ATN1: variants seen among roughly 807,000 people sequenced by gnomAD.
ATN1 encodes atrophin 1, also known as atrophin-1.
ATN1 carries 19 observed loss-of-function variants against 85.8 expected under a neutral mutation model. The ratio of observed to expected loss-of-function variants is 0.22; its 90% CI spans 0.15 to 0.32. The LOEUF is 0.32. Among genes scored for constraint, ATN1 ranks in the 10% least tolerant of loss-of-function variants. The pLI, the probability that ATN1 is intolerant of heterozygous loss-of-function variation, is 1.00. For synonymous variants in ATN1, 674 were observed against 657.0 expected, an observed-to-expected ratio of 1.03 and a Z score of -0.39; for missense variants, 1,453 against 1,564.5, an observed-to-expected ratio of 0.93 and a Z score of 1.20.
Position 6,941,297 on chromosome 12 carries a change from G to A in ATN1, c.3359-77G>A. ...TTAGTTCATTACCTTTGTATGTAAA[G>A]GAGCTGGCTATCCCCTGGTCCAGAG... On this transcript the variant is annotated intron_variant, in intron 8 of 9. Coordinates refer to ENST00000396684, the MANE Select transcript of ATN1 (RefSeq NM_001940.4). The surrounding 1 kb of genome is among the most constrained non-coding windows in gnomAD (Gnocchi z 5.9). 3 of 1,488,764 alleles carry A rather than the reference G, an allele frequency of 2.0e-6. No homozygotes were observed. The highest frequency in any genetic ancestry group is 2.7e-6 in the Non-Finnish European group (3 of 1,107,224). 92.2% of individuals were successfully genotyped at this position (1,488,764 alleles called of 1,614,324 possible).
In ATN1 at chr12:6,937,423, C is replaced by T; in HGVS notation, c.2156C>T (p.Pro719Leu). ...PPPPAAPASG[P>L]PLSATQIKQE... ...CCACCTGCGGCCCCTGCCTCAGGGC[C>T]GCCCCTGAGCGCCACGCAGATCAAA... is the stretch of plus-strand genomic sequence containing the variant. The change falls in exon 5 of 10, where the codon CCG (proline) becomes CTG (leucine). Residue 719 changes from proline (P) to leucine (L), a missense_variant. Physicochemically the swap from Pro to Leu is moderately conservative, Grantham distance 98. Coordinates refer to ENST00000396684, the MANE Select transcript of ATN1 (RefSeq NM_001940.4). The surrounding 1 kb of genome is among the most constrained non-coding windows in gnomAD (Gnocchi z 6.0). 6.5e-7 allele frequency: 1 copy of T among 1,547,382 alleles called. No homozygotes were observed. The highest frequency in any genetic ancestry group is 8.7e-7 in the Non-Finnish European group (1 of 1,147,338).
At chr12:6,928,637 A>G (rs1945426918) in intron 1 of ATN1, among the ~76,000 whole-genome samples, 2 of 152,128 alleles carry the variant, frequency 1.3e-5, no homozygotes, top group South Asian at 2.1e-4. Flanking sequence ...GGAAGGAGGG[A>G]GGGTCTCCGG....
In ATN1 at chr12:6,937,244, C is replaced by G; in HGVS notation, c.1977C>G (p.Pro659=). 1.9e-6 allele frequency: 3 copies of G among 1,611,774 alleles called. No homozygotes were observed. Among genetic ancestry groups the G allele is most frequent in the Non-Finnish European group, 2.5e-6 (3 of 1,179,590 alleles). Residue 659 remains proline, a synonymous_variant, in exon 5 of 10, where the codon CCC becomes CCG. Coordinates refer to ENST00000396684, the MANE Select transcript of ATN1 (RefSeq NM_001940.4). The surrounding 1 kb of genome is among the most constrained non-coding windows in gnomAD (Gnocchi z 6.0). ...CAGCCACCCCACCCGGATACAAACCCGGGTCGCCTCCCTCCTTCCGAACGG... is the reference window on the plus strand; with the variant it reads ...CAGCCACCCCACCCGGATACAAACCGGGGTCGCCTCCCTCCTTCCGAACGG... ...YKTATPPGYK[P]GSPPSFRTGT...
chr12:6,936,850 A>G lies in ATN1; in HGVS notation c.1583A>G (p.His528Arg), dbSNP rs2098246050. Residue 528 changes from histidine (H) to arginine (R), a missense_variant, in exon 5 of 10, where the codon CAC (histidine) becomes CGC (arginine). Coordinates refer to ENST00000396684, the MANE Select transcript of ATN1 (RefSeq NM_001940.4). Reference sequence around the variant, plus strand: ...GAGGGCGGTAGCTCCCACCACGCACACCCTTACGCCATGTCTCCCTCCCTG... The same window carrying G: ...GAGGGCGGTAGCTCCCACCACGCACGCCCTTACGCCATGTCTCCCTCCCTG... ...PLEGGSSHHA[H>R]PYAMSPSLGS... 6.2e-7 allele frequency: 1 copy of G among 1,612,762 alleles called. No homozygotes were observed. Among genetic ancestry groups the G allele is most frequent in the Admixed American group, 1.7e-5 (1 of 59,924 alleles).
At position 6,936,759 on chromosome 12, in the gene ATN1, CAGCAGCAGCAGCAGCAT is replaced by C. The variant is rs782065589; in HGVS notation, c.1493_1509del (p.Gln498ProfsTer20). 205 of 1,419,620 alleles carry C rather than the reference CAGCAGCAGCAGCAGCAT, an allele frequency of 1.4e-4. No individual in the cohort carries two copies. The East Asian group carries it at 4.6e-3, about 32-fold the overall frequency. 87.9% of individuals were successfully genotyped at this position (1,419,620 alleles called of 1,614,324 possible). Reference sequence around the variant, plus strand: ...GCAGCAGCAGCAGCAGCAGCAGCAGCAGCAGCAGCAGCAGCATCACGGAAACTCTGGGCCCCCTCCTC... The same window carrying C: ...GCAGCAGCAGCAGCAGCAGCAGCAGCCACGGAAACTCTGGGCCCCCTCCTC... On this transcript the variant is annotated frameshift_variant, in exon 5 of 10. Transcript: ENST00000396684. LOFTEE classifies it high-confidence loss of function.
In ATN1 at chr12:6,940,923, G is replaced by T. The variant is rs192536030; in HGVS notation, c.3258G>T (p.Gly1086=). Residue 1086 remains glycine (G), a synonymous_variant, in exon 8 of 10, where the codon GGG becomes GGT. Transcript: ENST00000396684. ...CTCTCATTGACCCCCTGGCCTCAGG[G>T]TCTCACCTTACCCGGATCCCCTACC... ...VHPLIDPLAS[G]SHLTRIPYPA... is the part of the protein sequence containing the mutation. 6.2e-7 allele frequency: 1 copy of T among 1,614,154 alleles called. No homozygotes were observed. The highest frequency in any genetic ancestry group is 8.5e-7 in the Non-Finnish European group (1 of 1,180,018).
intron 1 of ATN1, among the ~76,000 whole-genome samples, chr12:6,931,316 T>TG (rs1272393083): frequency 5.3e-5 from 8 of 149,538 alleles, no homozygotes; most frequent in African/African-American, 2.0e-4. Flanking sequence ...CTATGGTGGG[T>TG]GTTGTTCTTC....
chr12:6,938,814 G>A lies in ATN1; in HGVS notation c.2851G>A (p.Glu951Lys). The change falls in exon 7 of 10, where the codon GAG becomes AAG. Residue 951 changes from glutamate (E) to lysine (K), a missense_variant. Physicochemically the swap from Glu to Lys is moderately conservative, Grantham distance 56. Transcript: ENST00000396684. ...CCGTGACCGCCTCAAGCCTGGCTTT[G>A]AGGTGAAGCCTAGTGAGCTGGAACC... ...DLRDRLKPGF[E>K]VKPSELEPLH... 1.2e-6 allele frequency: 2 copies of A among 1,614,146 alleles called. No individual in the cohort carries two copies. The highest frequency in any genetic ancestry group is 1.7e-6 in the Non-Finnish European group (2 of 1,180,024).
Position 6,936,618 on chromosome 12 carries a change from C to T in ATN1, c.1351C>T (p.Leu451Phe), listed in dbSNP as rs1555143710. Residue 451 changes from leucine to phenylalanine, a missense_variant, in exon 5 of 10, where the codon CTC (leucine) becomes TTC (phenylalanine). Around this residue, in one of 6 missense-constraint regions of ATN1, gnomAD observed 990 missense variants for 914.8 expected, o/e 1.08. Transcript: ENST00000396684. ...GPPPPPPYGR[L>F]LANSNAHPGP... ...CCCACCACCTCCTCCCTATGGCCGC[C>T]TCTTAGCCAACAGCAATGCCCATCC... The T allele has an allele frequency of 3.1e-6, 5 of 1,612,756 alleles. No individual in the cohort carries two copies. The African/African-American group carries it at 4.0e-5, about 13-fold the overall frequency.
At chr12:6,925,887 G>A (rs1555142551), upstream of ATN1, among the ~76,000 whole-genome samples, 1 of 152,244 alleles carries the variant, frequency 6.6e-6, no homozygotes, top group Non-Finnish European at 1.5e-5. Flanking sequence ...CAAATCTGGA[G>A]CTCTACTGAG....
At position 6,937,500 on chromosome 12, in the gene ATN1, C is replaced by T. The variant is rs1168890257; in HGVS notation, c.2233C>T (p.Arg745Cys). The change falls in exon 5 of 10, where the codon CGC becomes TGC. Residue 745 changes from arginine (R) to cysteine (C), a missense_variant. By Grantham distance (180) the Arg-to-Cys change is radical. This residue lies in a region of ATN1 where 990 missense variants were observed against 914.8 expected (regional missense o/e 1.08). Transcript: ENST00000396684. This position sits in a 1 kb window ranked among gnomAD's most constrained non-coding sequence, Gnocchi z 6.0. The part of the protein sequence containing the change: ...ETPESPVPPA[R>C]SPSPPPKVVD... ...CCCCGAGAGCCCGGTGCCCCCAGCC[C>T]GCAGCCCCTCGCCCCCTCCCAAGGT... The T allele has an allele frequency of 6.5e-7, 1 of 1,543,956 alleles. No individual in the cohort carries two copies. Among genetic ancestry groups the T allele is most frequent in the South Asian group, 1.2e-5 (1 of 84,078 alleles).
rs781784157 is a variant in ATN1, at chr12:6,941,457, G to A, written c.3442G>A (p.Ala1148Thr). The A allele has an allele frequency of 8.7e-6, 14 of 1,612,758 alleles. No homozygotes were observed. The highest frequency in any genetic ancestry group is 1.2e-5 in the Non-Finnish European group (14 of 1,179,916). The change falls in exon 9 of 10, where the codon GCT (alanine) becomes ACT (threonine). Residue 1148 changes from alanine (A) to threonine (T), a missense_variant. This residue lies in a region of ATN1 where 118 missense variants were observed against 163.7 expected (regional missense o/e 0.72). Transcript: ENST00000396684. The surrounding 1 kb of genome is among the most constrained non-coding windows in gnomAD (Gnocchi z 5.9). ...GCTGCAGGCCATGCACGCACAGTCA[G>A]CTGAGCTGCAGCGCTTGGCGCTGGA... ...HQLQAMHAQS[A>T]ELQRLALEQQ...
chr12:6,939,127 C>G lies in ATN1; in HGVS notation c.3164C>G (p.Ser1055Cys). ...LNVTPHHHQHSHIHSHLHLHQ... is the reference protein window; with the variant it reads ...LNVTPHHHQHCHIHSHLHLHQ... ...GTGACTCCCCATCACCACCAGCACT[C>G]CCACATCCACTCGCACCTGCACCTG... The change falls in exon 7 of 10, where the codon TCC becomes TGC. Residue 1055 changes from serine to cysteine, a missense_variant. Ser to Cys is a moderately radical substitution (Grantham distance 112). This residue lies in a region of ATN1 where 1 missense variants were observed against 24.0 expected (regional missense o/e 0.04). Transcript: ENST00000396684. 1 of 1,600,620 alleles carries G rather than the reference C, an allele frequency of 6.2e-7. No individual in the cohort carries two copies. The highest frequency in any genetic ancestry group is 8.5e-7 in the Non-Finnish European group (1 of 1,179,882).
At chr12:6,927,065 T>G (rs79595085), upstream of ATN1, among the ~76,000 whole-genome samples, 874 of 151,312 alleles carry the variant, frequency 5.8e-3, 8 homozygotes, top group African/African-American at 0.02. Flanking sequence ...TCCTCACGCG[T>G]TCCCTCCTCT....
Position 6,937,354 on chromosome 12 carries a change from C to G in ATN1, c.2087C>G (p.Pro696Arg), listed in dbSNP as rs1555143954. ...GGCTCGCCCACCGTGGGACCTGGGCCCCTGCCACCTGCGGGGCCCTCAGGC... is the reference window on the plus strand; with the variant it reads ...GGCTCGCCCACCGTGGGACCTGGGCGCCTGCCACCTGCGGGGCCCTCAGGC... The part of the protein sequence containing the change: ...KPGSPTVGPG[P>R]LPPAGPSGLP... Residue 696 changes from proline (P) to arginine (R), a missense_variant, in exon 5 of 10, where the codon CCC becomes CGC. Pro to Arg is a moderately radical substitution (Grantham distance 103, BLOSUM62 -2). This residue lies in a region of ATN1 where 990 missense variants were observed against 914.8 expected (regional missense o/e 1.08). Coordinates refer to ENST00000396684, the MANE Select transcript of ATN1 (RefSeq NM_001940.4). The surrounding 1 kb of genome is among the most constrained non-coding windows in gnomAD (Gnocchi z 6.0). 6.4e-7 allele frequency: 1 copy of G among 1,553,012 alleles called. No individual in the cohort carries two copies. The highest frequency in any genetic ancestry group is 8.7e-7 in the Non-Finnish European group (1 of 1,149,882).
chr12:6,935,966 G>A lies in ATN1; in HGVS notation c.699G>A (p.Met233Ile). Residue 233 changes from methionine to isoleucine, a missense_variant, in exon 5 of 10, where the codon ATG (methionine) becomes ATA (isoleucine). Met to Ile is a conservative substitution (Grantham distance 10, BLOSUM62 1). Transcript: ENST00000396684. This position sits in a 1 kb window ranked among gnomAD's most constrained non-coding sequence, Gnocchi z 5.3. ...GTGGAGTTTTGTCTGGACCCCCAAT[G>A]GGTCCCAAGGGGGGAGGGGCTGCCT... is the stretch of plus-strand genomic sequence containing the variant. The part of the protein sequence containing the change: ...GTGGVLSGPP[M>I]GPKGGGAASS... 1.3e-6 allele frequency: 2 copies of A among 1,588,430 alleles called. No homozygotes were observed. Among genetic ancestry groups the A allele is most frequent in the South Asian group, 2.3e-5 (2 of 87,498 alleles).
At chr12:6,925,050 G>A (rs189231612), upstream of ATN1, among the ~76,000 whole-genome samples, 1 of 152,082 alleles carries the variant, frequency 6.6e-6, no homozygotes, top group East Asian at 1.9e-4. Flanking sequence ...AGACCAATGG[G>A]TTGTGGGGGG....
At position 6,935,414 on chromosome 12, in the gene ATN1, C is replaced by T; in HGVS notation, c.280-133C>T. 1 of 1,014,240 alleles carries T rather than the reference C, an allele frequency of 9.9e-7. No homozygotes were observed. The highest frequency in any genetic ancestry group is 1.4e-6 in the Non-Finnish European group (1 of 716,442). 62.8% of individuals were successfully genotyped at this position (1,014,240 alleles called of 1,614,324 possible). A position where few individuals can be genotyped will look rare whatever the true frequency, so the allele number is the denominator to read the frequency against. Reference sequence around the variant, plus strand: ...AAATCCCCAGATGGTAAGAGGTGGGCTTGAGCAAGAGTACTCACCACATCA... The same window carrying T: ...AAATCCCCAGATGGTAAGAGGTGGGTTTGAGCAAGAGTACTCACCACATCA... On this transcript the variant is annotated intron_variant, in intron 4 of 9. Transcript: ENST00000396684. The surrounding 1 kb of genome is among the most constrained non-coding windows in gnomAD (Gnocchi z 5.3).
In ATN1 at chr12:6,937,036, C is replaced by T. The variant is rs781790332; in HGVS notation, c.1769C>T (p.Pro590Leu). The T allele has an allele frequency of 1.1e-5, 17 of 1,613,866 alleles. No homozygotes were observed. In the Admixed American group the frequency reaches 1.7e-4, roughly 16 times the overall value. The change falls in exon 5 of 10, where the codon CCT becomes CTT. Residue 590 changes from proline to leucine, a missense_variant. Around this residue, in one of 6 missense-constraint regions of ATN1, gnomAD observed 990 missense variants for 914.8 expected, o/e 1.08. Coordinates refer to ENST00000396684, the MANE Select transcript of ATN1 (RefSeq NM_001940.4). The surrounding 1 kb of genome is among the most constrained non-coding windows in gnomAD (Gnocchi z 6.0). Reference sequence around the variant, plus strand: ...TCCTACCCATGTTCACACCCCTCCCCTTCCCAGGGCCCTCAAGGGGCGCCC... The same window carrying T: ...TCCTACCCATGTTCACACCCCTCCCTTTCCCAGGGCCCTCAAGGGGCGCCC... Reference protein sequence around the residue: ...QGSYPCSHPSPSQGPQGAPYP... With the variant: ...QGSYPCSHPSLSQGPQGAPYP...
Sources: allele counts gnomAD v4.1 joint callset (sites outside exome capture counted in the v4.1 genomes callset), GRCh38; gene constraint gnomAD v4.1.1; regional missense constraint gnomAD v4.1.1; non-coding constraint Gnocchi (gnomAD v3.1); transcripts MANE v1.5; gene names NCBI Gene and HGNC (gene_info 2026-07-23, HGNC 2026-07-21).